The following MCF2L2 variants were observed in gnomAD, a reference collection of about 807,000 sequenced individuals.
MCF2L2 encodes the protein MCF.2 cell line derived transforming sequence-like 2.
MCF2L2 carries 102 observed loss-of-function variants against 150.2 expected under a neutral mutation model. The ratio of observed to expected loss-of-function variants is 0.68; its 90% confidence interval spans 0.58 to 0.80. The LOEUF (loss-of-function observed/expected upper bound fraction) is 0.80, where lower values mean the gene tolerates loss of function less well. Ranked by LOEUF, MCF2L2 falls within the 30% of genes least tolerant of loss-of-function variation. The probability of loss-of-function intolerance (pLI) is 0.00; values close to 1 mark genes in which losing one functional copy is unlikely to be tolerated. For synonymous variants in MCF2L2, 465 were observed against 491.3 expected, an observed-to-expected ratio of 0.95 and a Z score of 0.71; for missense variants, 1,256 against 1,372.8, an observed-to-expected ratio of 0.91 and a Z score of 1.34.
intron 3 of MCF2L2, among the ~76,000 whole-genome samples, chr3:183,361,258 T>C (rs575393472): frequency 2.3e-4 from 35 of 152,216 alleles, no homozygotes; most frequent in Non-Finnish European, 4.0e-4. Context: ...AAGCCTGCTG[T>C]TGTTTGTCCT....
Position 183,179,361 on chromosome 3 carries a change from G to C in MCF2L2, c.*19C>G, listed in dbSNP as rs1043759152. Reference sequence around the variant, plus strand: ...TGCGGGCGCTCTGGAGCCGAGGAGCGGGGGCGTCCGCAGGGAGGTCAGCTC... The same window carrying C: ...TGCGGGCGCTCTGGAGCCGAGGAGCCGGGGCGTCCGCAGGGAGGTCAGCTC... On this transcript the variant is annotated 3_prime_UTR_variant, in exon 30 of 30. Transcript: ENST00000328913. This position sits in a 1 kb window ranked among gnomAD's most constrained non-coding sequence, Gnocchi z 4.2. 7.7e-6 allele frequency: 11 copies of C among 1,431,354 alleles called. No individual in the cohort carries two copies. Among genetic ancestry groups the C allele is most frequent in the Non-Finnish European group, 9.1e-6 (10 of 1,093,946 alleles). The allele number at this position is 1,431,354 out of a possible 1,614,324, so 88.7% of individuals were successfully genotyped here. A position where few individuals can be genotyped will look rare whatever the true frequency, so the allele number is the denominator to read the frequency against.
intron 15 of MCF2L2, among the ~76,000 whole-genome samples, chr3:183,248,651 A>T (rs1724369138): frequency 6.6e-6 from 1 of 152,122 alleles, no homozygotes; most frequent in South Asian, 2.1e-4. Context: ...CCTGGGCAAC[A>T]TAGTGAGCAA....
At chr3:183,412,933 T>C (rs1168445027) in intron 1 of MCF2L2, among the ~76,000 whole-genome samples, 1 of 152,214 alleles carries the variant, frequency 6.6e-6, no homozygotes, top group African/African-American at 2.4e-5. Context: ...TTTATCAAGA[T>C]AGGGTGTTGA....
At chr3:183,306,278 T>C (rs1729093267) in intron 10 of MCF2L2, among the ~76,000 whole-genome samples, 1 of 152,198 alleles carries the variant, frequency 6.6e-6, no homozygotes. Flanking sequence ...TGAAGCTTAT[T>C]TTTTTAGTTT....
intron 3 of MCF2L2, chr3:183,376,367 A>C (rs1022784607): frequency 6.6e-6 from 1 of 152,204 alleles, no homozygotes; most frequent in Non-Finnish European, 1.5e-5. Flanking sequence ...ATCGAATTTA[A>C]AACAAATATA....
chr3:183,356,662 G>C (rs185303142), intron 3 of MCF2L2, among the ~76,000 whole-genome samples: 1 of 152,106 alleles, frequency 6.6e-6, no homozygotes, highest in Admixed American at 6.6e-5. Flanking sequence ...GTTAAACAGA[G>C]CTACCCAATT....
chr3:183,372,443 G>C (rs894056680), intron 3 of MCF2L2: 8 of 152,088 alleles, frequency 5.3e-5, no homozygotes, highest in African/African-American at 1.9e-4. Context: ...AACTTAAATA[G>C]GTCCCTCAAC....
intron 13 of MCF2L2, among the ~76,000 whole-genome samples, chr3:183,293,820 C>G (rs1728302790): frequency 6.6e-6 from 1 of 151,624 alleles, no homozygotes; most frequent in African/African-American, 2.4e-5. Context: ...ATATAGAAAT[C>G]TATTCCTATT....
intron 1 of MCF2L2, among the ~76,000 whole-genome samples, 189 bp from the exon 2 acceptor site, chr3:183,389,968 G>A (rs1299232901): frequency 1.3e-5 from 2 of 152,158 alleles, no homozygotes; most frequent in Non-Finnish European, 2.9e-5. Flanking sequence ...GTGCTTTGGA[G>A]CTTATGCATC....
chr3:183,411,057 G>A (rs1715293004), intron 1 of MCF2L2, among the ~76,000 whole-genome samples: 1 of 152,206 alleles, frequency 6.6e-6, no homozygotes, highest in Non-Finnish European at 1.5e-5. Flanking sequence ...CAGACTAGCA[G>A]TGGTCAGGAA....
chr3:183,220,263 A>G (rs1413201905), intron 20 of MCF2L2, among the ~76,000 whole-genome samples: 1 of 152,206 alleles, frequency 6.6e-6, no homozygotes, highest in Non-Finnish European at 1.5e-5. Context: ...TCATTCAGCA[A>G]TATCTCATGA....
intron 21 of MCF2L2, 62 bp downstream of exon 21, chr3:183,219,794 G>A (rs954167098): frequency 2.1e-5 from 23 of 1,110,816 alleles, no homozygotes; most frequent in Admixed American, 5.4e-5. Flanking sequence ...TAAATCCTCC[G>A]ACCCATAGAC....
rs1336513844 is a variant in MCF2L2, at chr3:183,391,353, T to C, written c.77-1574A>G. ...CCTTCAATGAATTCCCCCATTGTTT[T>C]GGGTAAAGGGGATAAATCTAGACCA... On this transcript the variant is annotated intron_variant, in intron 1 of 29. Transcript: ENST00000328913. Among the ~76,000 whole-genome samples, 2 of 152,056 alleles carry C rather than the reference T, an allele frequency of 1.3e-5. 1 individual carries two copies. Among genetic ancestry groups the C allele is most frequent in the Admixed American group, 1.3e-4 (2 of 15,246 alleles).
At chr3:183,391,466 T>C (rs1714144734) in intron 1 of MCF2L2, among the ~76,000 whole-genome samples, 1 of 152,190 alleles carries the variant, frequency 6.6e-6, no homozygotes, top group Non-Finnish European at 1.5e-5. Flanking sequence ...GTGGGTGTAA[T>C]AACGGCATGG....
intron 3 of MCF2L2, among the ~76,000 whole-genome samples, chr3:183,348,590 G>T (rs1242876026): frequency 3.9e-5 from 6 of 151,900 alleles, no homozygotes; most frequent in Admixed American, 1.3e-4. Flanking sequence ...TTTTTAAAAA[G>T]GCAAGTAGAG....
chr3:183,288,924 T>C (rs1260089532), intron 14 of MCF2L2, among the ~76,000 whole-genome samples, 196 bp downstream of exon 14: 1 of 152,138 alleles, frequency 6.6e-6, no homozygotes, highest in Non-Finnish European at 1.5e-5. Context: ...AGCTTTCACT[T>C]CTAGCTGCCG....
chr3:183,187,031 T>C (rs1307376077), intron 27 of MCF2L2, among the ~76,000 whole-genome samples: 2 of 152,248 alleles, frequency 1.3e-5, no homozygotes, highest in African/African-American at 4.8e-5. Flanking sequence ...TTAAAACCAA[T>C]TGGTCAGATA....
intron 3 of MCF2L2, among the ~76,000 whole-genome samples, chr3:183,359,763 C>T (rs1003453920): frequency 2.0e-5 from 3 of 152,090 alleles, no homozygotes; most frequent in African/African-American, 4.8e-5. Flanking sequence ...CTGTTGTCAA[C>T]GCTTGGAACA....
chr3:183,190,709 CCTGGGCAG>C (rs1383503888), intron 27 of MCF2L2, among the ~76,000 whole-genome samples: 2 of 152,168 alleles, frequency 1.3e-5, no homozygotes, highest in African/African-American at 4.8e-5. Flanking sequence ...GCTGGACGAC[CCTGGGCAG>C]CTGAGGGCAA....
Sources: allele counts gnomAD v4.1 joint callset (sites outside exome capture counted in the v4.1 genomes callset), GRCh38; gene constraint gnomAD v4.1.1; non-coding constraint Gnocchi (gnomAD v3.1); transcripts MANE v1.5; gene names NCBI Gene and HGNC (gene_info 2026-07-23, HGNC 2026-07-21).